The following OSTN variants were observed in gnomAD, a reference collection of about 807,000 sequenced individuals.
OSTN encodes osteocrin.
OSTN carries 9 observed loss-of-function variants against 12.0 expected under a neutral mutation model. The observed-to-expected ratio is 0.75, with a 90% CI of 0.45 to 1.30. The LOEUF is 1.30. OSTN is among the 50% of genes most tolerant of loss of function. The probability of loss-of-function intolerance (pLI) is 0.00; values close to 1 mark genes in which losing one functional copy is unlikely to be tolerated. For synonymous variants in OSTN, 59 were observed against 56.9 expected, an observed-to-expected ratio of 1.04 and a Z score of -0.16; for missense variants, 148 against 152.3, an observed-to-expected ratio of 0.97 and a Z score of 0.15.
chr3:191,206,231 T>C (rs1051191812), intron 1 of OSTN, among the ~76,000 whole-genome samples: 2 of 151,910 alleles, frequency 1.3e-5, no homozygotes, highest in African/African-American at 4.8e-5. Context: ...AAAATAAATA[T>C]ATTACCATAT....
chr3:191,218,805 C>T lies in OSTN; in HGVS notation c.161C>T (p.Ser54Leu). 6 of 1,614,020 alleles carry T rather than the reference C, an allele frequency of 3.7e-6. No individual in the cohort carries two copies. Among genetic ancestry groups the T allele is most frequent in the Non-Finnish European group, 5.1e-6 (6 of 1,179,980 alleles). ...ACACCCACAGTCAGGGAAGAGAAAT[C>T]AGCCACTGACCTGACAGCAAAACTC... is the stretch of plus-strand genomic sequence containing the variant. ...QSTPTVREEKSATDLTAKLLL... is the reference protein window; with the variant it reads ...QSTPTVREEKLATDLTAKLLL... The change falls in exon 3 of 5, where the codon TCA becomes TTA. Residue 54 changes from serine (S) to leucine (L), a missense_variant. By Grantham distance (145) the Ser-to-Leu change is moderately radical. Transcript: ENST00000682035.
At chr3:191,225,500 C>G (rs565178456) in intron 3 of OSTN, among the ~76,000 whole-genome samples, 7 of 151,894 alleles carry the variant, frequency 4.6e-5, no homozygotes, top group Admixed American at 6.6e-5. Flanking sequence ...TCCCAAATCA[C>G]CAAAAACTAC....
intron 4 of OSTN, among the ~76,000 whole-genome samples, chr3:191,253,427 C>T (rs936760181): frequency 6.6e-5 from 10 of 152,122 alleles, no homozygotes; most frequent in South Asian, 2.1e-4. Flanking sequence ...TGGATACATA[C>T]GAGAAAAGTC....
intron 3 of OSTN, among the ~76,000 whole-genome samples, chr3:191,230,588 GAC>G (rs1715029520): frequency 8.9e-6 from 1 of 112,602 alleles, no homozygotes; most frequent in Non-Finnish European, 1.8e-5. Context: ...AAAAAAAAAA[GAC>G]ACATTCTTAA....
intron 4 of OSTN, among the ~76,000 whole-genome samples, chr3:191,260,170 C>T (rs577532888): frequency 1.3e-5 from 2 of 151,920 alleles, no homozygotes; most frequent in South Asian, 4.2e-4. Context: ...TTAATTTAAT[C>T]TTCGCATCAA....
Position 191,212,526 on chromosome 3 carries a change from C to T in OSTN, c.1-7C>T, listed in dbSNP as rs759470088. On this transcript the variant is annotated splice_region_variant and splice_polypyrimidine_tract_variant and intron_variant, in intron 1 of 4. Coordinates refer to ENST00000682035, the MANE Select transcript of OSTN (RefSeq NM_198184.2). ...TCAATGCTAACTATGACATATGTAA[C>T]CCTTAGATGCTGGACTGGAGATTGG... 2 of 1,556,896 alleles carry T rather than the reference C, an allele frequency of 1.3e-6. No individual in the cohort carries two copies. The highest frequency in any genetic ancestry group is 8.8e-7 in the Non-Finnish European group (1 of 1,139,762).
rs560545017 is a variant in OSTN at position 191,218,828 on chromosome 3, C to T, written c.184C>T (p.Leu62Phe). 74 of 1,614,088 alleles carry T rather than the reference C, an allele frequency of 4.6e-5. No homozygotes were observed. Among genetic ancestry groups the T allele is most frequent in the Non-Finnish European group, 6.1e-5 (72 of 1,179,982 alleles). The change falls in exon 3 of 5, where the codon CTC becomes TTC. Residue 62 changes from leucine (L) to phenylalanine (F), a missense_variant. Physicochemically the swap from Leu to Phe is conservative, Grantham distance 22. Transcript: ENST00000682035. ...EKSATDLTAKLLLLDELVSLE... is the reference protein window; with the variant it reads ...EKSATDLTAKFLLLDELVSLE... ...ATCAGCCACTGACCTGACAGCAAAA[C>T]TCTTGCTTCTTGATGAATTGGTGTC... is the stretch of plus-strand genomic sequence containing the variant.
At chr3:191,205,216 A>C (rs940663192) in intron 1 of OSTN, among the ~76,000 whole-genome samples, 4 of 152,138 alleles carry the variant, frequency 2.6e-5, no homozygotes, top group African/African-American at 9.7e-5. Flanking sequence ...TTGTGAAGAA[A>C]ATCAGTTTCA....
chr3:191,229,599 T>A (rs1714998870), intron 3 of OSTN, among the ~76,000 whole-genome samples: 1 of 151,960 alleles, frequency 6.6e-6, no homozygotes, highest in South Asian at 2.1e-4. Context: ...AACTAAGCAA[T>A]CAGATAAACA....
intron 3 of OSTN, among the ~76,000 whole-genome samples, chr3:191,223,740 T>C (rs1714830643): frequency 6.6e-6 from 1 of 151,882 alleles, no homozygotes; most frequent in South Asian, 2.1e-4. Context: ...AAAACTAAAA[T>C]TTCTCTATGA....
intron 3 of OSTN, among the ~76,000 whole-genome samples, chr3:191,226,805 G>T (rs1198082110): frequency 6.6e-6 from 1 of 152,044 alleles, no homozygotes; most frequent in Non-Finnish European, 1.5e-5. Flanking sequence ...AAGTGATGTT[G>T]GGATATGAGT....
intron 3 of OSTN, 36 bp from the exon 4 acceptor site, chr3:191,250,001 C>T (rs1453136135): frequency 1.3e-6 from 2 of 1,486,644 alleles, no homozygotes; most frequent in South Asian, 2.3e-5. Context: ...ATAACTTGCC[C>T]TTTAGTTTAA....
Position 191,252,886 on chromosome 3 carries a change from A to G in OSTN, c.*12+2753A>G, listed in dbSNP as rs774357427. ...TTTAACAGAGAGCAGCTTAAAAGTC[A>G]TTAAATACTGTTCACACAGTAATAC... On this transcript the variant is annotated intron_variant, in intron 4 of 4. Coordinates refer to ENST00000682035, the MANE Select transcript of OSTN (RefSeq NM_198184.2). Among the ~76,000 whole-genome samples, 110 of 152,376 alleles carry G rather than the reference A, an allele frequency of 7.2e-4. 1 individual carries two copies. Among genetic ancestry groups the G allele is most frequent in the Non-Finnish European group, 1.3e-3 (91 of 68,032 alleles).
intron 3 of OSTN, chr3:191,229,803 A>G (rs962727659): frequency 2.2e-4 from 33 of 152,280 alleles, no homozygotes; most frequent in African/African-American, 7.9e-4. Flanking sequence ...AGTGGTTCAC[A>G]GTTGTAATCC....
intron 1 of OSTN, among the ~76,000 whole-genome samples, chr3:191,208,588 T>C (rs1430445062): frequency 6.6e-6 from 1 of 152,222 alleles, no homozygotes; most frequent in Non-Finnish European, 1.5e-5. Flanking sequence ...CATGATTTTT[T>C]CCTATATACA....
At position 191,212,646 on chromosome 3, in the gene OSTN, T is replaced by C; in HGVS notation, c.102+12T>C. 4 of 1,394,252 alleles carry C rather than the reference T, an allele frequency of 2.9e-6. No homozygotes were observed. The highest frequency in any genetic ancestry group is 3.9e-6 in the Non-Finnish European group (4 of 1,025,632). The allele number at this position is 1,394,252 out of a possible 1,614,324, so 86.4% of individuals were successfully genotyped here. A position where few individuals can be genotyped will look rare whatever the true frequency, so the allele number is the denominator to read the frequency against. On this transcript the variant is annotated intron_variant, in intron 2 of 4. Transcript: ENST00000682035. ...TAACAACAACAGAGGTAATGGAAAC[T>C]AGCTTACAGAAATAAATATACATGT...
At chr3:191,224,337 T>C (rs1714850849) in intron 3 of OSTN, among the ~76,000 whole-genome samples, 1 of 149,736 alleles carries the variant, frequency 6.7e-6, no homozygotes, top group Non-Finnish European at 1.5e-5. Context: ...GATCTCACCA[T>C]TGCACTCCAG....
chr3:191,243,875 A>T (rs79258396), intron 3 of OSTN, among the ~76,000 whole-genome samples: 2,489 of 152,208 alleles, frequency 0.016, 63 homozygotes, highest in East Asian at 0.094. Context: ...ACAATTCTGG[A>T]ACTATCAAGA....
At chr3:191,256,996 A>C (rs1397892379) in intron 4 of OSTN, among the ~76,000 whole-genome samples, 2 of 152,014 alleles carry the variant, frequency 1.3e-5, no homozygotes, top group Admixed American at 1.3e-4. Flanking sequence ...GAGCCTTGGC[A>C]ACAAAGGGGC....
Sources: gnomAD v4.1 joint callset for allele counts (sites outside exome capture counted in the v4.1 genomes callset) on GRCh38, gnomAD v4.1.1 for gene constraint, MANE v1.5 for transcripts, NCBI Gene and HGNC (gene_info 2026-07-23, HGNC 2026-07-21) for gene names.